Variants in VTI1A observed in about 807,000 individuals in gnomAD.
VTI1A encodes the protein vesicle transport through interaction with t-SNAREs homolog 1A.
In VTI1A, 22 loss-of-function variants were observed where a neutral mutation model predicts 34.9. That is an observed-to-expected ratio of 0.63 (90% CI 0.45 to 0.90). The LOEUF is 0.90. Among genes scored for constraint, VTI1A ranks in the 40% least tolerant of loss-of-function variants. The pLI is 0.00. For synonymous variants in VTI1A, 87 were observed against 97.3 expected (o/e 0.89, Z 0.62); for missense variants, 268 against 275.6 (o/e 0.97, Z 0.20).
chr10:112,667,102 A>G (rs576564973), intron 5 of VTI1A, among the ~76,000 whole-genome samples: 22 of 152,236 alleles, frequency 1.4e-4, no homozygotes, highest in African/African-American at 5.1e-4. Flanking sequence ...AGCAGTGTGC[A>G]TATATGAGCC....
chr10:112,739,572 C>T (rs1472397776), intron 7 of VTI1A, among the ~76,000 whole-genome samples: 2 of 152,192 alleles, frequency 1.3e-5, no homozygotes, highest in Non-Finnish European at 2.9e-5. Flanking sequence ...AAATAACAAG[C>T]GATGTCTTGT....
intron 5 of VTI1A, among the ~76,000 whole-genome samples, chr10:112,542,091 G>A (rs1306788805): frequency 6.6e-6 from 1 of 152,024 alleles, no homozygotes; most frequent in African/African-American, 2.4e-5. Context: ...TCAAAATTCT[G>A]GGTCATCTGC....
intron 5 of VTI1A, among the ~76,000 whole-genome samples, chr10:112,626,861 A>G (rs1845941702): frequency 6.6e-6 from 1 of 152,246 alleles, no homozygotes; most frequent in African/African-American, 2.4e-5. Context: ...AAATTCACAC[A>G]AATGCAGCCA....
intron 7 of VTI1A, among the ~76,000 whole-genome samples, chr10:112,763,794 C>G (rs776331818): frequency 2.0e-5 from 3 of 152,146 alleles, no homozygotes; most frequent in African/African-American, 7.2e-5. Context: ...CATTGAGTTT[C>G]TGCCTTTGAC....
intron 7 of VTI1A, among the ~76,000 whole-genome samples, chr10:112,671,440 A>G (rs908515661): frequency 6.6e-6 from 1 of 152,244 alleles, no homozygotes; most frequent in African/African-American, 2.4e-5. Flanking sequence ...CATATAACAT[A>G]AGCTTATTTT....
At chr10:112,852,792 T>A in the VTI1A span, among the ~76,000 whole-genome samples, 1 of 152,116 alleles carries the variant, frequency 6.6e-6, no homozygotes, top group African/African-American at 2.4e-5. Flanking sequence ...TGTTTGTTTG[T>A]TTTTTGAGAC....
chr10:112,720,765 G>A (rs1045236174), intron 7 of VTI1A, among the ~76,000 whole-genome samples: 1 of 152,146 alleles, frequency 6.6e-6, no homozygotes, highest in Non-Finnish European at 1.5e-5. Context: ...GGTCCCAGAA[G>A]CATACCTAGA....
chr10:112,509,693 G>A (rs903855769), intron 3 of VTI1A, among the ~76,000 whole-genome samples: 2 of 152,192 alleles, frequency 1.3e-5, no homozygotes, highest in South Asian at 2.1e-4. Context: ...TTCCCTGGTT[G>A]GAGAGTTGTA....
intron 4 of VTI1A, among the ~76,000 whole-genome samples, chr10:112,530,689 T>A (rs1850388139): frequency 6.6e-6 from 1 of 152,178 alleles, no homozygotes; most frequent in Non-Finnish European, 1.5e-5. Context: ...GCTTAATTTC[T>A]TAATACAAGG....
At chr10:112,536,123 A>C (rs1850606181) in intron 4 of VTI1A, among the ~76,000 whole-genome samples, 1 of 152,250 alleles carries the variant, frequency 6.6e-6, no homozygotes, top group South Asian at 2.1e-4. Context: ...TTATTATAAA[A>C]GTGGAAGTCC....
At chr10:112,809,763 T>C (rs1243745510) in intron 7 of VTI1A, among the ~76,000 whole-genome samples, 3 of 152,164 alleles carry the variant, frequency 2.0e-5, no homozygotes, top group Non-Finnish European at 4.4e-5. Context: ...TGCCAAGCTG[T>C]GTGTTAGGCA....
intron 7 of VTI1A, among the ~76,000 whole-genome samples, chr10:112,733,700 A>G (rs1269505294): frequency 6.7e-6 from 1 of 148,578 alleles, no homozygotes; most frequent in Non-Finnish European, 1.5e-5. Flanking sequence ...CACACTTGCA[A>G]TACTGCTAGT....
chr10:112,717,599 C>A (rs530681887), intron 7 of VTI1A, among the ~76,000 whole-genome samples: 1 of 152,114 alleles, frequency 6.6e-6, no homozygotes, highest in Non-Finnish European at 1.5e-5. Flanking sequence ...GGCAATCTTA[C>A]GGTATGGCAG....
the VTI1A span, among the ~76,000 whole-genome samples, chr10:112,833,072 T>G: frequency 7.1e-6 from 1 of 139,922 alleles, no homozygotes; most frequent in Admixed American, 7.0e-5. Flanking sequence ...AGTTCACATG[T>G]TACCATGCTT....
At chr10:112,771,447 A>G (rs558497083) in intron 7 of VTI1A, among the ~76,000 whole-genome samples, 1 of 152,222 alleles carries the variant, frequency 6.6e-6, no homozygotes, top group African/African-American at 2.4e-5. Context: ...AACAGGAGAA[A>G]GGGTTTGCTT....
chr10:112,686,619 A>G (rs550186861), intron 7 of VTI1A, among the ~76,000 whole-genome samples: 1 of 152,248 alleles, frequency 6.6e-6, no homozygotes, highest in African/African-American at 2.4e-5. Flanking sequence ...TTGAGGTTTA[A>G]GTGTCCTTCT....
intron 3 of VTI1A, among the ~76,000 whole-genome samples, chr10:112,492,902 C>T (rs1480195674): frequency 6.6e-6 from 1 of 152,076 alleles, no homozygotes; most frequent in South Asian, 2.1e-4. Context: ...TAACCGTAAT[C>T]GAGTTTTATG....
At chr10:112,573,611 G>A (rs765134873) in intron 5 of VTI1A, among the ~76,000 whole-genome samples, 1 of 152,136 alleles carries the variant, frequency 6.6e-6, no homozygotes, top group Non-Finnish European at 1.5e-5. Context: ...AAATTTTATT[G>A]CCAATTCCAC....
At chr10:112,451,768 T>A (rs1847247984) in intron 1 of VTI1A, among the ~76,000 whole-genome samples, 2 of 152,200 alleles carry the variant, frequency 1.3e-5, no homozygotes, top group African/African-American at 4.8e-5. Flanking sequence ...CTTTGCAAGG[T>A]GGTTGCAGTG....
Sources: allele counts gnomAD v4.1 joint callset (sites outside exome capture counted in the v4.1 genomes callset), GRCh38; gene constraint gnomAD v4.1.1; transcripts MANE v1.5; gene names NCBI Gene and HGNC (gene_info 2026-07-23, HGNC 2026-07-21).